The following IL12RB2 variants were observed in gnomAD, a reference collection of about 807,000 sequenced individuals.
IL12RB2 encodes interleukin-12 receptor subunit beta-2.
Under a neutral mutation model 89.4 loss-of-function variants are expected in IL12RB2, and 82 were observed. The observed-to-expected ratio is 0.92, with a 90% CI of 0.77 to 1.10. The LOEUF (loss-of-function observed/expected upper bound fraction) is 1.10, where lower values mean the gene tolerates loss of function less well. Ranked by LOEUF, IL12RB2 falls within the 50% of genes least tolerant of loss-of-function variation. IL12RB2 has a pLI of 0.00. For missense variants in IL12RB2, 963 were observed against 1,031.9 expected (o/e 0.93, Z 0.92); for synonymous variants, 368 against 370.1 (o/e 0.99, Z 0.07).
At chr1:67,375,903 A>G (rs1663923499) in intron 13 of IL12RB2, among the ~76,000 whole-genome samples, 1 of 148,646 alleles carries the variant, frequency 6.7e-6, no homozygotes, top group Non-Finnish European at 1.5e-5. Flanking sequence ...CTGGAGTGCA[A>G]TGGCGCGATC....
At chr1:67,386,275 G>A (rs572878531) in intron 14 of IL12RB2, among the ~76,000 whole-genome samples, 40 of 150,710 alleles carry the variant, frequency 2.7e-4, no homozygotes, top group African/African-American at 6.3e-4. Flanking sequence ...ATCTGCTAGC[G>A]GCACAGCCAG....
chr1:67,329,041 A>G (rs1657701427), intron 6 of IL12RB2, among the ~76,000 whole-genome samples: 2 of 152,200 alleles, frequency 1.3e-5, no homozygotes, highest in African/African-American at 4.8e-5. Context: ...TTCTCTGCAT[A>G]CATATTGCTA....
Position 67,338,704 on chromosome 1 carries a change from G to A in IL12RB2, c.1038+1G>A, listed in dbSNP as rs1456230778. 2.7e-6 allele frequency: 4 copies of A among 1,462,286 alleles called. No homozygotes were observed. Among genetic ancestry groups the A allele is most frequent in the Non-Finnish European group, 3.8e-6 (4 of 1,041,474 alleles). 90.6% of individuals were successfully genotyped at this position (1,462,286 alleles called of 1,614,324 possible). ...ACAACAGATTTCTCTTTTCTGGAAG[G>A]TGAGTTTTAAGCGTCAACTTAAAAC... On this transcript the variant is annotated splice_donor_variant, in intron 9 of 16. Coordinates refer to ENST00000674203, the MANE Select transcript of IL12RB2 (RefSeq NM_001374259.2). LOFTEE classifies it high-confidence loss of function.
intron 16 of IL12RB2, among the ~76,000 whole-genome samples, chr1:67,390,952 C>T (rs1332825511): frequency 6.6e-6 from 1 of 152,114 alleles, no homozygotes; most frequent in African/African-American, 2.4e-5. Context: ...CTGTCATCCA[C>T]ACCCTTCCTC....
intron 7 of IL12RB2, among the ~76,000 whole-genome samples, chr1:67,330,447 ATTTTG>A (rs1463704847): frequency 1.3e-5 from 2 of 151,996 alleles, no homozygotes; most frequent in Non-Finnish European, 2.9e-5. Context: ...GTACCCAGAG[ATTTTG>A]TTTTATTTTT....
chr1:67,344,014 G>A (rs1659949041), intron 9 of IL12RB2, among the ~76,000 whole-genome samples: 1 of 152,200 alleles, frequency 6.6e-6, no homozygotes, highest in African/African-American at 2.4e-5. Flanking sequence ...CCAGCAAGAG[G>A]ACAGGAGTAG....
intron 9 of IL12RB2, among the ~76,000 whole-genome samples, chr1:67,346,378 ATTT>A (rs10577525): frequency 1.8e-3 from 171 of 93,780 alleles, no homozygotes; most frequent in African/African-American, 8.1e-3. Flanking sequence ...AGGGTTGTCT[ATTT>A]TTTTTTTTTT....
intron 8 of IL12RB2, among the ~76,000 whole-genome samples, chr1:67,331,635 C>T (rs1049773982): frequency 1.3e-5 from 2 of 151,976 alleles, no homozygotes; most frequent in Admixed American, 6.6e-5. Context: ...GTCAGGAGTT[C>T]GAGACCAGCC....
chr1:67,389,890 A>C (rs1665617792), intron 15 of IL12RB2, 139 bp from the exon 16 acceptor site: 1 of 673,330 alleles, frequency 1.5e-6, no homozygotes, highest in Non-Finnish European at 2.7e-6. Flanking sequence ...TGGATGATAA[A>C]TCATCTTTGT....
At position 67,307,930 on chromosome 1, in the gene IL12RB2, G is replaced by T. The variant is rs932565431; in HGVS notation, c.-162G>T. ...AGAGCACCGGGGCCACCCGGTCCCCGCAGGCCCGGGACCGCGCCCGCTGGC... is the reference window on the plus strand; with the variant it reads ...AGAGCACCGGGGCCACCCGGTCCCCTCAGGCCCGGGACCGCGCCCGCTGGC... On this transcript the variant is annotated 5_prime_UTR_variant, in exon 1 of 17. Coordinates refer to ENST00000674203, the MANE Select transcript of IL12RB2 (RefSeq NM_001374259.2). 6.6e-6 allele frequency: 1 copy of T among 151,944 alleles called. No homozygotes were observed. The highest frequency in any genetic ancestry group is 2.4e-5 in the African/African-American group (1 of 41,392). 9.4% of individuals were successfully genotyped at this position (151,944 alleles called of 1,614,324 possible).
In IL12RB2 at chr1:67,383,289, C is replaced by G. The variant is rs1213279851; in HGVS notation, c.1855+3166C>G. Among the ~76,000 whole-genome samples the G allele has an allele frequency of 2.0e-5, 3 of 152,276 alleles. No individual in the cohort carries two copies. The East Asian group carries it at 5.8e-4, about 29-fold the overall frequency. On this transcript the variant is annotated intron_variant, in intron 14 of 16. Coordinates refer to ENST00000674203, the MANE Select transcript of IL12RB2 (RefSeq NM_001374259.2). ...ATAACTGCCCCCATGATTGAATTAC[C>G]TCCCCGCAAGTCCCTCACACCACAT...
rs957396955 is a variant in IL12RB2 at position 67,324,005 on chromosome 1, T to G, written c.364+2116T>G. Among the ~76,000 whole-genome samples, 36 of 152,366 alleles carry G rather than the reference T, an allele frequency of 2.4e-4. 1 individual carries two copies. The highest frequency in any genetic ancestry group is 8.4e-4 in the African/African-American group (35 of 41,590). ...TAATTGGCTTGCAAGTTTGAAATTT[T>G]ATTAACAAGAAAACTAAACAAATGG... On this transcript the variant is annotated intron_variant, in intron 4 of 16. Transcript: ENST00000674203.
chr1:67,346,375 TC>T (rs1557429411), intron 9 of IL12RB2, among the ~76,000 whole-genome samples: 3 of 114,106 alleles, frequency 2.6e-5, no homozygotes, highest in Admixed American at 1.2e-4. Flanking sequence ...GTGAGGGTTG[TC>T]TATTTTTTTT....
chr1:67,380,430 A>C (rs1664452095), intron 14 of IL12RB2, among the ~76,000 whole-genome samples: 1 of 152,206 alleles, frequency 6.6e-6, no homozygotes, highest in African/African-American at 2.4e-5. Flanking sequence ...CCTGTAGGCA[A>C]GGATTGATAT....
chr1:67,341,400 C>A (rs1470758083), intron 9 of IL12RB2, among the ~76,000 whole-genome samples: 2 of 141,438 alleles, frequency 1.4e-5, no homozygotes, highest in Non-Finnish European at 3.0e-5. Flanking sequence ...GCCTGGGTGA[C>A]AGAGCAAGAC....
At chr1:67,327,286 G>A (rs114274229) in intron 5 of IL12RB2, among the ~76,000 whole-genome samples, 1,625 of 152,268 alleles carry the variant, frequency 0.011, 25 homozygotes, top group African/African-American at 0.037. Flanking sequence ...CCAGAAAGGA[G>A]AAGCAATAGA....
chr1:67,380,081 G>A lies in IL12RB2; in HGVS notation c.1813G>A (p.Gly605Ser), dbSNP rs1664417236. Residue 605 changes from glycine to serine, a missense_variant, in exon 14 of 17, where the codon GGT becomes AGT. By Grantham distance (56) the Gly-to-Ser change is moderately conservative. Coordinates refer to ENST00000674203, the MANE Select transcript of IL12RB2 (RefSeq NM_001374259.2). ...VLWMTALTAAGESSHGNEREF... is the reference protein window; with the variant it reads ...VLWMTALTAASESSHGNEREF... ...GTGGATGACAGCTCTGACAGCTGCT[G>A]GTGAAAGTTCCCACGGAAATGAGAG... The A allele has an allele frequency of 6.2e-7, 1 of 1,614,012 alleles. No homozygotes were observed. The highest frequency in any genetic ancestry group is 1.3e-5 in the African/African-American group (1 of 74,910).
At chr1:67,337,658 A>G (rs1658936458) in intron 8 of IL12RB2, among the ~76,000 whole-genome samples, 1 of 152,198 alleles carries the variant, frequency 6.6e-6, no homozygotes, top group South Asian at 2.1e-4. Context: ...AACAATTATT[A>G]GGAGCCTATT....
intron 4 of IL12RB2, among the ~76,000 whole-genome samples, chr1:67,324,564 C>G (rs1657037489): frequency 6.6e-6 from 1 of 152,158 alleles, no homozygotes; most frequent in Non-Finnish European, 1.5e-5. Context: ...CCATGTTACC[C>G]AGGCTCAAAC....
Sources: allele counts gnomAD v4.1 joint callset (sites outside exome capture counted in the v4.1 genomes callset), GRCh38; gene constraint gnomAD v4.1.1; transcripts MANE v1.5; gene names NCBI Gene and HGNC (gene_info 2026-07-23, HGNC 2026-07-21).